Variants in ZC3H18 observed in about 807,000 individuals in gnomAD.
The protein encoded by ZC3H18 is zinc finger CCCH domain-containing protein 18.
ZC3H18 carries 8 observed loss-of-function variants against 106.1 expected under a neutral mutation model. The ratio of observed to expected loss-of-function variants is 0.08; its 90% CI spans 0.04 to 0.14. The LOEUF is 0.14. Ranked by LOEUF, ZC3H18 falls within the 10% of genes least tolerant of loss-of-function variation. The pLI, the probability that ZC3H18 is intolerant of heterozygous loss-of-function variation, is 1.00. For synonymous variants in ZC3H18, 635 were observed against 522.1 expected, an observed-to-expected ratio of 1.22 and a Z score of -2.95; for missense variants, 1,318 against 1,278.4, an observed-to-expected ratio of 1.03 and a Z score of -0.47.
intron 1 of ZC3H18, among the ~76,000 whole-genome samples, chr16:88,570,782 G>C (rs1487397295): frequency 6.6e-6 from 1 of 152,104 alleles, no homozygotes; most frequent in African/African-American, 2.4e-5. Context: ...CGGCCCCGCG[G>C]TCCTGGGGCG....
intron 6 of ZC3H18, among the ~76,000 whole-genome samples, chr16:88,608,009 C>G: frequency 6.6e-6 from 1 of 152,230 alleles, no homozygotes; most frequent in Non-Finnish European, 1.5e-5. Context: ...TGGTTATAAT[C>G]TGTGTCTGTG....
intron 13 of ZC3H18, 67 bp downstream of exon 13, chr16:88,625,334 C>G: frequency 1.3e-6 from 2 of 1,544,380 alleles, no homozygotes; most frequent in Non-Finnish European, 8.8e-7. Context: ...CCAGAAGCAG[C>G]CAGTGTGGGT....
chr16:88,628,226 G>A, intron 15 of ZC3H18, 107 bp downstream of exon 15: 1 of 1,304,700 alleles, frequency 7.7e-7, no homozygotes, highest in Non-Finnish European at 1.1e-6. Context: ...GAGGGCGAGT[G>A]GGGCCTTGCA....
At chr16:88,590,572 T>TTTTTTTTG (rs1216601731) in intron 3 of ZC3H18, among the ~76,000 whole-genome samples, 1 of 140,382 alleles carries the variant, frequency 7.1e-6, no homozygotes, top group East Asian at 2.1e-4. Flanking sequence ...TTCTTTTTTT[T>TTTTTTTTG]TTTTTTTTGA....
At chr16:88,615,512 G>A (rs375887332) in intron 8 of ZC3H18, among the ~76,000 whole-genome samples, 2 of 152,304 alleles carry the variant, frequency 1.3e-5, no homozygotes, top group Non-Finnish European at 1.5e-5. Context: ...TTTGGTATCA[G>A]CCTGCATTTT....
intron 13 of ZC3H18, chr16:88,625,994 C>G (rs1906286758): frequency 6.6e-6 from 1 of 152,022 alleles, no homozygotes; most frequent in African/African-American, 2.4e-5. Context: ...AGCTAATTTT[C>G]TGTATTTTAG....
chr16:88,591,930 C>T (rs1490246488), intron 3 of ZC3H18, among the ~76,000 whole-genome samples: 3 of 149,020 alleles, frequency 2.0e-5, no homozygotes, highest in South Asian at 2.1e-4. Flanking sequence ...CCGCTGGCAG[C>T]GGAGTTTCTG....
chr16:88,610,394 C>G (rs570112430), intron 7 of ZC3H18, among the ~76,000 whole-genome samples: 1 of 152,134 alleles, frequency 6.6e-6, no homozygotes, highest in Non-Finnish European at 1.5e-5. Context: ...TCCCCCTGCT[C>G]GATGCTCTTG....
intron 3 of ZC3H18, among the ~76,000 whole-genome samples, chr16:88,596,086 C>A (rs1904423517): frequency 6.6e-6 from 1 of 152,166 alleles, no homozygotes. Context: ...CACCCCCGGG[C>A]AGGTGGCTCC....
At chr16:88,601,538 T>G (rs1904750812) in intron 6 of ZC3H18, among the ~76,000 whole-genome samples, 1 of 151,926 alleles carries the variant, frequency 6.6e-6, no homozygotes, top group South Asian at 2.1e-4. Context: ...CTGTGTGTGT[T>G]TTACCTATCA....
At chr16:88,594,878 G>A (rs138934838) in intron 3 of ZC3H18, among the ~76,000 whole-genome samples, 347 of 152,338 alleles carry the variant, frequency 2.3e-3, no homozygotes, top group Non-Finnish European at 3.7e-3. Flanking sequence ...TTGGCTGGGC[G>A]TGGTGGTTCA....
intron 7 of ZC3H18, among the ~76,000 whole-genome samples, chr16:88,609,977 C>T (rs1208023523): frequency 1.3e-5 from 2 of 152,054 alleles, no homozygotes; most frequent in Non-Finnish European, 2.9e-5. Context: ...TCTCCCTGCT[C>T]GGGCGTGTCA....
Position 88,631,790 on chromosome 16 carries a change from CTCA to C in ZC3H18, c.*495_*497del. ...ATATATCTATATTCTCGACTAAAGT[CTCA>C]TCAGGAAATATTTCCTGTCTTTTAT... On this transcript the variant is annotated 3_prime_UTR_variant, in exon 18 of 18. Coordinates refer to ENST00000301011, the MANE Select transcript of ZC3H18 (RefSeq NM_144604.4). 3.2e-6 allele frequency: 1 copy of C among 310,676 alleles called. No homozygotes were observed. The allele number at this position is 310,676 out of a possible 1,614,324, so 19.2% of individuals were successfully genotyped here. A position where few individuals can be genotyped will look rare whatever the true frequency, so the allele number is the denominator to read the frequency against.
At chr16:88,630,744 G>GC (rs1166450569) in intron 17 of ZC3H18, among the ~76,000 whole-genome samples, 163 bp downstream of exon 17, 117 of 76,446 alleles carry the variant, frequency 1.5e-3, no homozygotes, top group Admixed American at 2.4e-3. Flanking sequence ...GCGAATTGCA[G>GC]CCCCACCCCC....
chr16:88,611,807 A>G (rs921843209), intron 8 of ZC3H18, among the ~76,000 whole-genome samples: 3 of 152,234 alleles, frequency 2.0e-5, no homozygotes, highest in Non-Finnish European at 4.4e-5. Context: ...AAATGCTTAC[A>G]GTCCACGTGC....
rs201777324 is a variant in ZC3H18 at position 88,622,199 on chromosome 16, G to A, written c.1478G>A (p.Arg493His). ...TGCTAATGCCTCTGTAATTTCAGCC[G>A]CCAAGCTGAGCCACCAAAGAAGGAG... The part of the protein sequence containing the change: ...PKPRSPQPPS[R>H]QAEPPKKEAA... Residue 493 changes from arginine to histidine, a missense_variant and splice_region_variant, in exon 9 of 18, where the codon CGC becomes CAC. Transcript: ENST00000301011. The A allele has an allele frequency of 7.5e-6, 12 of 1,606,396 alleles. No individual in the cohort carries two copies. Among genetic ancestry groups the A allele is most frequent in the East Asian group, 4.5e-5 (2 of 44,678 alleles).
chr16:88,605,562 C>A (rs761611158), intron 6 of ZC3H18, among the ~76,000 whole-genome samples: 1 of 152,252 alleles, frequency 6.6e-6, no homozygotes, highest in East Asian at 1.9e-4. Context: ...AGCACAGCCT[C>A]CCTCCACCTG....
chr16:88,573,690 G>A (rs1331086929), intron 1 of ZC3H18, among the ~76,000 whole-genome samples: 1 of 151,862 alleles, frequency 6.6e-6, no homozygotes, highest in Non-Finnish European at 1.5e-5. Context: ...GGGATTCCAG[G>A]TACATGCCAC....
At chr16:88,580,964 C>A (rs913918561) in intron 2 of ZC3H18, among the ~76,000 whole-genome samples, 1 of 152,186 alleles carries the variant, frequency 6.6e-6, no homozygotes, top group Admixed American at 6.5e-5. Flanking sequence ...TCATAGCATT[C>A]CAGGTCCCAG....
Sources: allele counts gnomAD v4.1 joint callset (sites outside exome capture counted in the v4.1 genomes callset), GRCh38; gene constraint gnomAD v4.1.1; transcripts MANE v1.5; gene names NCBI Gene and HGNC (gene_info 2026-07-23, HGNC 2026-07-21).